Variants in SORCS3 observed in about 807,000 individuals in gnomAD.
SORCS3 encodes the protein sortilin related VPS10 domain containing receptor 3.
SORCS3 carries 57 observed loss-of-function variants against 146.3 expected under a neutral mutation model. That is an observed-to-expected ratio of 0.39 (90% CI 0.31 to 0.49). The LOEUF (loss-of-function observed/expected upper bound fraction) is 0.49, where lower values mean the gene tolerates loss of function less well. Among genes scored for constraint, SORCS3 ranks in the 20% least tolerant of loss-of-function variants. SORCS3 has a pLI of 0.92. For synonymous variants in SORCS3, 653 were observed against 618.5 expected, an observed-to-expected ratio of 1.06 and a Z score of -0.83; for missense variants, 1,341 against 1,575.5, an observed-to-expected ratio of 0.85 and a Z score of 2.52.
chr10:104,885,480 A>T (rs1185768582), intron 2 of SORCS3, among the ~76,000 whole-genome samples: 1 of 152,142 alleles, frequency 6.6e-6, no homozygotes, highest in Non-Finnish European at 1.5e-5. Flanking sequence ...AGTACTCAGC[A>T]GGACTTTTAA....
intron 4 of SORCS3, among the ~76,000 whole-genome samples, chr10:105,002,965 C>T (rs1014745744): frequency 1.3e-5 from 2 of 152,190 alleles, no homozygotes; most frequent in East Asian, 3.9e-4. Flanking sequence ...ATACTGACAA[C>T]TACCCTACTA....
intron 7 of SORCS3, among the ~76,000 whole-genome samples, chr10:105,122,763 A>G (rs7097517): frequency 0.025 from 3,742 of 151,584 alleles, 153 homozygotes; most frequent in African/African-American, 0.085. Context: ...GAGATCTACA[A>G]TTAAAGAAGA....
chr10:105,255,135 G>T (rs2119760607), intron 23 of SORCS3, among the ~76,000 whole-genome samples: 1 of 142,400 alleles, frequency 7.0e-6, no homozygotes, highest in African/African-American at 2.6e-5. Context: ...CCTGCGGTGA[G>T]CCGAGATCGC....
intron 1 of SORCS3, among the ~76,000 whole-genome samples, chr10:104,662,042 A>G (rs1479900359): frequency 6.6e-6 from 1 of 152,154 alleles, no homozygotes; most frequent in Admixed American, 6.5e-5. Flanking sequence ...ATCTCTCTTT[A>G]ACAGAAAACT....
intron 2 of SORCS3, among the ~76,000 whole-genome samples, chr10:104,884,216 A>C (rs1192324790): frequency 6.6e-6 from 1 of 152,338 alleles, no homozygotes; most frequent in Middle Eastern, 3.4e-3. Flanking sequence ...CCTGCAGGTG[A>C]TAATATATCT....
chr10:105,096,689 A>G (rs2055748943), intron 6 of SORCS3, among the ~76,000 whole-genome samples: 1 of 152,194 alleles, frequency 6.6e-6, no homozygotes, highest in South Asian at 2.1e-4. Context: ...AGTTTCCACC[A>G]TCCAAAGGGA....
chr10:105,160,845 C>A (rs1204867407), intron 11 of SORCS3, among the ~76,000 whole-genome samples: 1 of 152,178 alleles, frequency 6.6e-6, no homozygotes, highest in Non-Finnish European at 1.5e-5. Context: ...GCTTTCCAGG[C>A]TGAGCCCTGA....
intron 2 of SORCS3, among the ~76,000 whole-genome samples, chr10:104,871,955 C>T (rs2018523225): frequency 6.6e-6 from 1 of 152,110 alleles, no homozygotes; most frequent in Non-Finnish European, 1.5e-5. Context: ...CACATCTGTA[C>T]TGTAGGCAAG....
rs12217670 is a variant in SORCS3, at chr10:104,657,856, T to C, written c.627+15902T>C. Among the ~76,000 whole-genome samples, 504 of 152,320 alleles carry C rather than the reference T, an allele frequency of 3.3e-3. 11 individuals carry two copies. The East Asian group carries it at 0.045, about 13-fold the overall frequency. On this transcript the variant is annotated intron_variant, in intron 1 of 26. Coordinates refer to ENST00000369701, the MANE Select transcript of SORCS3 (RefSeq NM_014978.3). ...TGACTGATTATTTAAAATATATTAG[T>C]TCCGATAAAATATTTAGCTTTTAAA...
At chr10:104,987,350 A>AT (rs2054968310) in intron 4 of SORCS3, among the ~76,000 whole-genome samples, 2 of 152,110 alleles carry the variant, frequency 1.3e-5, no homozygotes, top group South Asian at 4.1e-4. Flanking sequence ...TCTTTTCCAA[A>AT]TTTTTTATTA....
Position 104,641,387 on chromosome 10 carries a change from G to C in SORCS3, c.60G>C (p.Thr20=), listed in dbSNP as rs764984191. The C allele has an allele frequency of 6.7e-5, 97 of 1,440,596 alleles. No homozygotes were observed. The highest frequency in any genetic ancestry group is 2.1e-4 in the South Asian group (15 of 73,104). 89.2% of individuals were successfully genotyped at this position (1,440,596 alleles called of 1,614,324 possible). ...GGCCGGGGGCGCCGCTTGTCCGGAC[G>C]GGGCTCCTACTCTTGTCGACGTGGG... ...AGRPGAPLVR[T]GLLLLSTWVL... Residue 20 remains threonine (T), a synonymous_variant, in exon 1 of 27, where the codon ACG becomes ACC. Transcript: ENST00000369701. The surrounding 1 kb of genome is among the most constrained non-coding windows in gnomAD (Gnocchi z 6.4).
chr10:104,926,409 G>C (rs988264015), intron 3 of SORCS3, among the ~76,000 whole-genome samples: 4 of 151,894 alleles, frequency 2.6e-5, no homozygotes, highest in African/African-American at 9.7e-5. Context: ...AGGGGAAAAT[G>C]TATGAAAGGA....
chr10:104,879,630 T>C (rs1161066397), intron 2 of SORCS3, among the ~76,000 whole-genome samples: 1 of 152,144 alleles, frequency 6.6e-6, no homozygotes, highest in African/African-American at 2.4e-5. Context: ...GGCTAGTCAT[T>C]ATGAGCCCAT....
At position 104,755,544 on chromosome 10, in the gene SORCS3, A is replaced by G. The variant is rs149845322; in HGVS notation, c.628-87248A>G. ...CAGAATGAAAGTGGCAGAGTAGTTA[A>G]GGAAAACCTAGATGAAAAGAATAAT... is the stretch of plus-strand genomic sequence containing the variant. On this transcript the variant is annotated intron_variant, in intron 1 of 26. Transcript: ENST00000369701. 3.9e-5 allele frequency among the ~76,000 whole-genome samples: 6 copies of G among 152,376 alleles called. No homozygotes were observed. The South Asian group carries it at 6.2e-4, about 16-fold the overall frequency.
chr10:104,979,309 A>T (rs971434383), intron 4 of SORCS3, among the ~76,000 whole-genome samples: 1 of 152,170 alleles, frequency 6.6e-6, no homozygotes, highest in African/African-American at 2.4e-5. Flanking sequence ...TATACTTAAG[A>T]AAAGACATTT....
At chr10:105,184,504 T>C (rs1017827026) in intron 14 of SORCS3, among the ~76,000 whole-genome samples, 2 of 152,206 alleles carry the variant, frequency 1.3e-5, no homozygotes, top group African/African-American at 4.8e-5. Flanking sequence ...TGTAAATATA[T>C]TAAAAATACC....
rs147244409 is a variant in SORCS3, at chr10:104,825,077, G to A, written c.628-17715G>A. ...GCTTTTATCTCTGTGTCAGTGAGAG[G>A]CCTGATGAGGTTGCTCTTTATTTTG... On this transcript the variant is annotated intron_variant, in intron 1 of 26. Transcript: ENST00000369701. Among the ~76,000 whole-genome samples, 1,268 of 152,324 alleles carry A rather than the reference G, an allele frequency of 8.3e-3. 11 individuals carry two copies. The highest frequency in any genetic ancestry group is 0.013 in the Non-Finnish European group (861 of 68,026).
In SORCS3 at chr10:105,214,477, G is replaced by A. The variant is rs1466334353; in HGVS notation, c.2411G>A (p.Gly804Glu). 1.2e-6 allele frequency: 2 copies of A among 1,614,102 alleles called. No individual in the cohort carries two copies. The highest frequency in any genetic ancestry group is 3.3e-5 in the Admixed American group (2 of 60,010). The change falls in exon 18 of 27, where the codon GGG becomes GAG. Residue 804 changes from glycine to glutamate, a missense_variant. By Grantham distance (98) the Gly-to-Glu change is moderately conservative. Transcript: ENST00000369701. ...RRIVSNNCTD[G>E]LREKYTAKAQ... is the part of the protein sequence containing the mutation. The stretch of plus-strand genomic sequence containing the variant: ...ATTGTGTCCAACAACTGCACAGATG[G>A]GCTAAGGGAGAAGTACACCGCCAAG...
chr10:105,240,362 A>G (rs1203288541), intron 20 of SORCS3, among the ~76,000 whole-genome samples: 3 of 152,208 alleles, frequency 2.0e-5, no homozygotes, highest in African/African-American at 7.2e-5. Flanking sequence ...TAAGGGAGAA[A>G]AATGCCTGGT....
Sources: allele counts gnomAD v4.1 joint callset (sites outside exome capture counted in the v4.1 genomes callset), GRCh38; gene constraint gnomAD v4.1.1; non-coding constraint Gnocchi (gnomAD v3.1); transcripts MANE v1.5; gene names NCBI Gene and HGNC (gene_info 2026-07-23, HGNC 2026-07-21).